Variants in FOXP2 observed in about 807,000 individuals in gnomAD.
FOXP2 encodes the protein forkhead box P2, also known as forkhead box protein P2.
In FOXP2, 12 loss-of-function variants were observed where a neutral mutation model predicts 115.8. The observed-to-expected ratio is 0.10, with a 90% CI of 0.07 to 0.17. The LOEUF is 0.17. Ranked by LOEUF, FOXP2 falls within the 10% of genes least tolerant of loss-of-function variation. The probability of loss-of-function intolerance (pLI) is 1.00; values close to 1 mark genes in which losing one functional copy is unlikely to be tolerated. For synonymous variants in FOXP2, 328 were observed against 297.7 expected (o/e 1.10, Z -1.05); for missense variants, 629 against 843.5 (o/e 0.75, Z 3.15).
At chr7:114,552,642 G>T (rs1490439434) in intron 3 of FOXP2, among the ~76,000 whole-genome samples, 1 of 152,062 alleles carries the variant, frequency 6.6e-6, no homozygotes, top group Non-Finnish European at 1.5e-5. Context: ...GATACTCGAA[G>T]AAAAAGTGAA....
chr7:114,115,973 T>C (rs1468289634), intron 1 of FOXP2, among the ~76,000 whole-genome samples: 1 of 152,204 alleles, frequency 6.6e-6, no homozygotes, highest in Non-Finnish European at 1.5e-5. Context: ...CTTCCATGAT[T>C]GTAACCCCTC....
At chr7:114,204,745 T>G (rs1365557155) in intron 1 of FOXP2, among the ~76,000 whole-genome samples, 1 of 152,200 alleles carries the variant, frequency 6.6e-6, no homozygotes, top group African/African-American at 2.4e-5. Flanking sequence ...CTAAATAATC[T>G]AATGTGAGTT....
chr7:114,393,677 C>G (rs1027492976), intron 2 of FOXP2, among the ~76,000 whole-genome samples: 2 of 152,016 alleles, frequency 1.3e-5, no homozygotes, highest in Admixed American at 1.3e-4. Context: ...TGTGGAAGAA[C>G]AGCCTGGCAT....
intron 9 of FOXP2, 95 bp downstream of exon 9, chr7:114,652,385 C>A: frequency 9.5e-7 from 1 of 1,052,806 alleles, no homozygotes; most frequent in Non-Finnish European, 1.4e-6. Context: ...CTGCATTTTA[C>A]TGTCTTAGCC....
chr7:114,137,261 T>C (rs1034401329), intron 1 of FOXP2, among the ~76,000 whole-genome samples: 109 of 152,158 alleles, frequency 7.2e-4, no homozygotes, highest in Non-Finnish European at 2.2e-4. Flanking sequence ...ATTTAACAAG[T>C]ATTGGGTTCA....
At chr7:114,153,527 T>TA (rs1020133327) in intron 1 of FOXP2, among the ~76,000 whole-genome samples, 2 of 152,110 alleles carry the variant, frequency 1.3e-5, no homozygotes, top group Non-Finnish European at 2.9e-5. Context: ...TGAGCAGAAA[T>TA]AAAAAATATT....
At chr7:114,151,814 A>G (rs903143130) in intron 1 of FOXP2, among the ~76,000 whole-genome samples, 1 of 152,122 alleles carries the variant, frequency 6.6e-6, no homozygotes, top group Admixed American at 6.6e-5. Context: ...CTTGGGGCAT[A>G]TGGTGCTACC....
At position 114,277,332 on chromosome 7, in the gene FOXP2, CA is replaced by C. The variant is rs1248314910; in HGVS notation, c.-101-10685del. ...AAACACAGTGAGGAATGCTTTAAGGCAATTCAGAAAACTGTGAGAGTGGGGT... is the reference window on the plus strand; with the variant it reads ...AAACACAGTGAGGAATGCTTTAAGGCATTCAGAAAACTGTGAGAGTGGGGT... On this transcript the variant is annotated intron_variant, in intron 1 of 17. Transcript: ENST00000634411. 4.6e-5 allele frequency among the ~76,000 whole-genome samples: 7 copies of C among 152,144 alleles called. No homozygotes were observed. In the East Asian group the frequency reaches 1.3e-3, roughly 29 times the overall value.
intron 2 of FOXP2, among the ~76,000 whole-genome samples, chr7:114,389,604 T>G (rs1354183885): frequency 6.6e-6 from 1 of 152,134 alleles, no homozygotes. Flanking sequence ...TACTGATCAA[T>G]CCCCATTGTG....
chr7:114,576,881 T>C (rs1464535465), intron 3 of FOXP2, among the ~76,000 whole-genome samples: 1 of 151,984 alleles, frequency 6.6e-6, no homozygotes, highest in African/African-American at 2.4e-5. Context: ...TTTAGCATAA[T>C]TGAAAGTTGT....
intron 2 of FOXP2, among the ~76,000 whole-genome samples, chr7:114,489,034 A>G (rs890248776): frequency 6.6e-6 from 1 of 152,164 alleles, no homozygotes; most frequent in Non-Finnish European, 1.5e-5. Flanking sequence ...AACAGATGTT[A>G]TATCTATTTC....
intron 1 of FOXP2, among the ~76,000 whole-genome samples, chr7:114,134,691 C>G (rs920545574): frequency 7.5e-6 from 1 of 132,496 alleles, no homozygotes; most frequent in African/African-American, 2.9e-5. Context: ...CCAGCCTGGG[C>G]GACAGAGCGA....
At chr7:114,434,122 A>G (rs1370508941) in intron 2 of FOXP2, among the ~76,000 whole-genome samples, 2 of 151,840 alleles carry the variant, frequency 1.3e-5, no homozygotes, top group Non-Finnish European at 2.9e-5. Flanking sequence ...TTCTTTCTCT[A>G]GTTTCTCTTT....
At chr7:114,505,788 T>C (rs1797787417) in intron 2 of FOXP2, among the ~76,000 whole-genome samples, 1 of 151,586 alleles carries the variant, frequency 6.6e-6, no homozygotes, top group African/African-American at 2.4e-5. Flanking sequence ...CTTTAATTGA[T>C]AAAAATGCTG....
chr7:114,314,392 A>T (rs896715230), intron 2 of FOXP2, among the ~76,000 whole-genome samples: 1 of 152,102 alleles, frequency 6.6e-6, no homozygotes, highest in Non-Finnish European at 1.5e-5. Flanking sequence ...GTAAGCTGTC[A>T]TAGATGCACC....
At chr7:114,479,847 T>C (rs1162873380) in intron 2 of FOXP2, among the ~76,000 whole-genome samples, 2 of 151,510 alleles carry the variant, frequency 1.3e-5, no homozygotes, top group Admixed American at 1.3e-4. Flanking sequence ...TGTTAACTAA[T>C]GAGTTGCATA....
At chr7:114,398,378 A>C (rs1184085842) in intron 2 of FOXP2, among the ~76,000 whole-genome samples, 1 of 152,162 alleles carries the variant, frequency 6.6e-6, no homozygotes, top group Non-Finnish European at 1.5e-5. Context: ...AGATTATATA[A>C]AAATGAAATA....
At chr7:114,319,723 G>A (rs1397800582) in intron 2 of FOXP2, among the ~76,000 whole-genome samples, 1 of 151,984 alleles carries the variant, frequency 6.6e-6, no homozygotes, top group Non-Finnish European at 1.5e-5. Context: ...ATTTGGATGG[G>A]GACACACAGC....
intron 2 of FOXP2, among the ~76,000 whole-genome samples, chr7:114,464,046 T>C (rs752001803): frequency 1.3e-5 from 2 of 152,250 alleles, no homozygotes; most frequent in Admixed American, 6.5e-5. Context: ...AGAGAAAGGA[T>C]TGTAAAAAAG....
Sources: allele counts gnomAD v4.1 joint callset (sites outside exome capture counted in the v4.1 genomes callset), GRCh38; gene constraint gnomAD v4.1.1; transcripts MANE v1.5; gene names NCBI Gene and HGNC (gene_info 2026-07-23, HGNC 2026-07-21).